Variants in NHLRC2 observed in about 807,000 individuals in gnomAD.
NHLRC2 encodes NHL repeat containing 2, also known as NHL repeat-containing protein 2.
Under a neutral mutation model 68.1 loss-of-function variants are expected in NHLRC2, and 33 were observed. The ratio of observed to expected loss-of-function variants is 0.48; its 90% confidence interval spans 0.37 to 0.65. The LOEUF (loss-of-function observed/expected upper bound fraction) is 0.65, where lower values mean the gene tolerates loss of function less well. Ranked by LOEUF, NHLRC2 falls within the 30% of genes least tolerant of loss-of-function variation. The pLI is 0.00. For synonymous variants in NHLRC2, 311 were observed against 309.6 expected (o/e 1.00, Z -0.05); for missense variants, 761 against 853.8 (o/e 0.89, Z 1.35).
chr10:113,890,347 AC>A (rs1459622704), intron 5 of NHLRC2, among the ~76,000 whole-genome samples: 1 of 152,188 alleles, frequency 6.6e-6, no homozygotes, highest in Non-Finnish European at 1.5e-5. Flanking sequence ...CTTTTGACTT[AC>A]ATAGTTTTCC....
chr10:113,857,463 T>G (rs1486682886), intron 1 of NHLRC2, among the ~76,000 whole-genome samples: 1 of 152,124 alleles, frequency 6.6e-6, no homozygotes, highest in Non-Finnish European at 1.5e-5. Context: ...TTTTTTTTTC[T>G]AGAATTTTGT....
intron 2 of NHLRC2, among the ~76,000 whole-genome samples, chr10:113,864,708 A>C (rs1018215032): frequency 4.6e-5 from 7 of 151,178 alleles, no homozygotes; most frequent in African/African-American, 9.7e-5. Context: ...AAAAAAAAAA[A>C]ACCACACACA....
intron 1 of NHLRC2, among the ~76,000 whole-genome samples, chr10:113,856,082 C>A (rs1371602649): frequency 6.6e-6 from 1 of 152,166 alleles, no homozygotes; most frequent in Admixed American, 6.5e-5. Context: ...TCAATTATAG[C>A]CTATTTCCAG....
intron 2 of NHLRC2, among the ~76,000 whole-genome samples, chr10:113,869,029 G>A (rs1845897425): frequency 6.6e-6 from 1 of 152,210 alleles, no homozygotes; most frequent in Non-Finnish European, 1.5e-5. Context: ...GCCAATGAAG[G>A]ATTTTCTGCA....
At chr10:113,872,906 A>C (rs1845940957) in intron 2 of NHLRC2, among the ~76,000 whole-genome samples, 2 of 152,202 alleles carry the variant, frequency 1.3e-5, no homozygotes, top group Non-Finnish European at 2.9e-5. Flanking sequence ...TTAGAATCCA[A>C]GAAAACTTTC....
intron 5 of NHLRC2, among the ~76,000 whole-genome samples, chr10:113,894,702 C>T (rs1293635150): frequency 6.6e-6 from 1 of 151,984 alleles, no homozygotes; most frequent in Non-Finnish European, 1.5e-5. Flanking sequence ...TTTGCTGTGA[C>T]TTTCTTAAAA....
chr10:113,880,106 G>A (rs1249569754), intron 4 of NHLRC2, among the ~76,000 whole-genome samples: 4 of 151,730 alleles, frequency 2.6e-5, no homozygotes, highest in Non-Finnish European at 4.4e-5. Context: ...TAGCCAATTC[G>A]TCTTAAAACT....
intron 2 of NHLRC2, among the ~76,000 whole-genome samples, chr10:113,865,828 A>G (rs1018113871): frequency 7.2e-5 from 11 of 152,238 alleles, no homozygotes; most frequent in Non-Finnish European, 1.2e-4. Flanking sequence ...AAAAGCAGAC[A>G]TAACCAGAAA....
intron 5 of NHLRC2, among the ~76,000 whole-genome samples, chr10:113,891,103 C>T (rs146998622): frequency 4.0e-4 from 61 of 152,222 alleles, no homozygotes; most frequent in African/African-American, 1.3e-3. Flanking sequence ...GATTACAATT[C>T]GAGATGAGAT....
rs1330641231 is a variant in NHLRC2, at chr10:113,913,542, G to T, written c.*5006G>T. Reference sequence around the variant, plus strand: ...AGTTCTCAACAGTGCTGTTTCAAAAGTTGTTTTAAAAGTTCTAACGGTTGG... The same window carrying T: ...AGTTCTCAACAGTGCTGTTTCAAAATTTGTTTTAAAAGTTCTAACGGTTGG... On this transcript the variant is annotated 3_prime_UTR_variant, in exon 11 of 11. Transcript: ENST00000369301. 6.6e-6 allele frequency: 1 copy of T among 152,096 alleles called. No individual in the cohort carries two copies. The allele number at this position is 152,096 out of a possible 1,614,324, so 9.4% of individuals were successfully genotyped here.
intron 9 of NHLRC2, among the ~76,000 whole-genome samples, 193 bp downstream of exon 9, chr10:113,903,929 T>C (rs185351575): frequency 1.3e-5 from 2 of 152,018 alleles, no homozygotes; most frequent in African/African-American, 4.8e-5. Flanking sequence ...AAATAAAAGT[T>C]CCATCTGTGC....
intron 2 of NHLRC2, among the ~76,000 whole-genome samples, chr10:113,870,517 G>T (rs1160916183): frequency 6.6e-6 from 1 of 152,124 alleles, no homozygotes; most frequent in African/African-American, 2.4e-5. Flanking sequence ...CTATATGTGT[G>T]CCATAACTCA....
chr10:113,882,794 G>A (rs1846046874), intron 4 of NHLRC2, among the ~76,000 whole-genome samples: 1 of 151,698 alleles, frequency 6.6e-6, no homozygotes, highest in Admixed American at 6.6e-5. Context: ...TTACCCCTGT[G>A]TTTTATTCTA....
At chr10:113,889,543 C>G (rs1564856204) in intron 5 of NHLRC2, among the ~76,000 whole-genome samples, 1 of 152,024 alleles carries the variant, frequency 6.6e-6, no homozygotes, top group Non-Finnish European at 1.5e-5. Context: ...TGCCTTATCA[C>G]ATTGACTTGG....
At chr10:113,861,470 A>G (rs1589534253) in intron 2 of NHLRC2, among the ~76,000 whole-genome samples, 1 of 152,372 alleles carries the variant, frequency 6.6e-6, no homozygotes, top group East Asian at 1.9e-4. Flanking sequence ...ATTTCTCATC[A>G]GAAACTTTGG....
intron 6 of NHLRC2, among the ~76,000 whole-genome samples, chr10:113,899,182 T>G (rs1046550216): frequency 3.3e-5 from 5 of 152,110 alleles, no homozygotes; most frequent in Non-Finnish European, 5.9e-5. Flanking sequence ...TTCCTCCTAC[T>G]AGTCTCTTAA....
chr10:113,864,029 C>T (rs569436533), intron 2 of NHLRC2, among the ~76,000 whole-genome samples: 18 of 152,252 alleles, frequency 1.2e-4, no homozygotes, highest in African/African-American at 3.8e-4. Context: ...GTGGTGTGTG[C>T]ATACAGTGGA....
intron 5 of NHLRC2, among the ~76,000 whole-genome samples, chr10:113,895,993 G>A (rs145321365): frequency 0.016 from 2,384 of 152,166 alleles, 57 homozygotes; most frequent in African/African-American, 0.054. Context: ...TTAGAATGGC[G>A]ATCATTAAAA....
At position 113,915,212 on chromosome 10, in the gene NHLRC2, C is replaced by A; in HGVS notation, c.*6676C>A. 2.2e-6 allele frequency: 1 copy of A among 456,288 alleles called. No homozygotes were observed. Among genetic ancestry groups the A allele is most frequent in the Non-Finnish European group, 4.4e-6 (1 of 226,964 alleles). 28.3% of individuals were successfully genotyped at this position (456,288 alleles called of 1,614,324 possible). A position where few individuals can be genotyped will look rare whatever the true frequency, so the allele number is the denominator to read the frequency against. On this transcript the variant is annotated 3_prime_UTR_variant, in exon 11 of 11. Transcript: ENST00000369301. ...AAAGGACATTTTGTTCTGTTGAAAG[C>A]CACAGGACCAAAAGGAAAATATTGC...
Sources: allele counts gnomAD v4.1 joint callset (sites outside exome capture counted in the v4.1 genomes callset), GRCh38; gene constraint gnomAD v4.1.1; transcripts MANE v1.5; gene names NCBI Gene and HGNC (gene_info 2026-07-23, HGNC 2026-07-21).